The following CDH4 variants were observed in gnomAD, a reference collection of about 807,000 sequenced individuals.
The protein encoded by CDH4 is cadherin-4.
A neutral mutation model predicts 86.0 loss-of-function variants in CDH4; 33 were observed. The observed-to-expected ratio is 0.38, with a 90% CI of 0.29 to 0.51. The LOEUF (loss-of-function observed/expected upper bound fraction) is 0.51, where lower values mean the gene tolerates loss of function less well. Ranked by LOEUF, CDH4 falls within the 20% of genes least tolerant of loss-of-function variation. CDH4 has a pLI of 0.86. For synonymous variants in CDH4, 555 were observed against 549.4 expected (o/e 1.01, Z -0.14); for missense variants, 1,114 against 1,307.4 (o/e 0.85, Z 2.28).
At chr20:61,415,410 G>C (rs560571452) in intron 2 of CDH4, among the ~76,000 whole-genome samples, 1 of 152,300 alleles carries the variant, frequency 6.6e-6, no homozygotes, top group Non-Finnish European at 1.5e-5. Context: ...CATTTTTTAT[G>C]TGTACAGTCA....
chr20:61,693,488 A>G (rs1287982793), intron 2 of CDH4, among the ~76,000 whole-genome samples: 1 of 152,232 alleles, frequency 6.6e-6, no homozygotes, highest in Non-Finnish European at 1.5e-5. Context: ...TTGAGTCCCC[A>G]AGGCCGAAGG....
rs2087509319 is a variant in CDH4, at chr20:61,681,197, T to C, written c.170-62366T>C. 6.6e-6 allele frequency among the ~76,000 whole-genome samples: 1 copy of C among 152,212 alleles called. No homozygotes were observed. The highest frequency in any genetic ancestry group is 1.5e-5 in the Non-Finnish European group (1 of 68,036). On this transcript the variant is annotated intron_variant, in intron 2 of 15. Coordinates refer to ENST00000614565, the MANE Select transcript of CDH4 (RefSeq NM_001794.5). The surrounding 1 kb of genome is among the most constrained non-coding windows in gnomAD (Gnocchi z 4.5). ...CACGTCCTAATGGCTTTTTTTCTCT[T>C]TCAGCCACACACAGTCAAATTTGAG...
At chr20:61,712,809 T>C (rs2087907653) in intron 2 of CDH4, among the ~76,000 whole-genome samples, 1 of 152,148 alleles carries the variant, frequency 6.6e-6, no homozygotes, top group Admixed American at 6.5e-5. Context: ...GGTTCAGAGC[T>C]GGCCCCATGC....
Position 61,647,525 on chromosome 20 carries a change from T to TCTCTCTCTC in CDH4, c.170-96038_170-96037insCTCTCTCTC, listed in dbSNP as rs1444445171. 7.2e-5 allele frequency among the ~76,000 whole-genome samples: 5 copies of TCTCTCTCTC among 69,756 alleles called. 2 individuals are homozygous for TCTCTCTCTC. The highest frequency in any genetic ancestry group is 2.8e-4 in the Admixed American group (2 of 7,146). 45.8% of individuals were successfully genotyped at this position (69,756 alleles called of 152,430 possible). A position where few individuals can be genotyped will look rare whatever the true frequency, so the allele number is the denominator to read the frequency against. On this transcript the variant is annotated intron_variant, in intron 2 of 15. Transcript: ENST00000614565. ...AAACACATCAGTATGCACACACATA[T>TCTCTCTCTC]TCTCTCTCCCTCTCCCTCTCCCTCT...
chr20:61,567,002 C>T (rs1419744744), intron 2 of CDH4, among the ~76,000 whole-genome samples: 1 of 152,120 alleles, frequency 6.6e-6, no homozygotes, highest in Non-Finnish European at 1.5e-5. Flanking sequence ...GGAGGGGGAG[C>T]TTTGTGGACA....
At chr20:61,316,933 C>G (rs759463316) in intron 2 of CDH4, among the ~76,000 whole-genome samples, 1 of 151,928 alleles carries the variant, frequency 6.6e-6, no homozygotes, top group Non-Finnish European at 1.5e-5. Flanking sequence ...CGTGCAGCCT[C>G]TGTACCTGAA....
intron 3 of CDH4, among the ~76,000 whole-genome samples, chr20:61,757,716 C>G (rs1286581845): frequency 6.6e-6 from 1 of 152,202 alleles, no homozygotes; most frequent in Non-Finnish European, 1.5e-5. Flanking sequence ...GGTGAAGATT[C>G]TTGCTGCCAT....
intron 7 of CDH4, among the ~76,000 whole-genome samples, chr20:61,886,240 C>T (rs1984533447): frequency 6.6e-6 from 1 of 152,214 alleles, no homozygotes; most frequent in Non-Finnish European, 1.5e-5. Context: ...TGCCAGGGTG[C>T]CTCACTGGCT....
At chr20:61,308,555 T>C (rs1429959176) in intron 2 of CDH4, among the ~76,000 whole-genome samples, 1 of 152,230 alleles carries the variant, frequency 6.6e-6, no homozygotes, top group African/African-American at 2.4e-5. Flanking sequence ...TCTGCTGAAA[T>C]GGCTGCTGCT....
At chr20:61,746,736 G>T (rs762582652) in intron 3 of CDH4, among the ~76,000 whole-genome samples, 11 of 152,252 alleles carry the variant, frequency 7.2e-5, no homozygotes, top group Non-Finnish European at 1.0e-4. Flanking sequence ...GGTATTTCAT[G>T]AGGTTATGGA....
intron 2 of CDH4, among the ~76,000 whole-genome samples, chr20:61,726,665 C>T (rs1326777633): frequency 6.6e-6 from 1 of 150,958 alleles, no homozygotes; most frequent in Non-Finnish European, 1.5e-5. Flanking sequence ...ATGACCATCA[C>T]TGCCATCATC....
At chr20:61,444,297 CTTTGTGTATGTATTTTTGTGTA>C in intron 2 of CDH4, among the ~76,000 whole-genome samples, 1 of 338 alleles carries the variant, frequency 3.0e-3, no homozygotes, top group African/African-American at 9.1e-3. Flanking sequence ...GTGTGGGTTT[CTTTGTGTATGTATTTTTGTGTA>C]TCTGCACGTG....
chr20:61,665,224 T>C (rs2087309763), intron 2 of CDH4, among the ~76,000 whole-genome samples: 1 of 152,206 alleles, frequency 6.6e-6, no homozygotes. Context: ...GCGAGCACCA[T>C]GCTGGTGGGC....
In CDH4 at chr20:61,676,090, G is replaced by A. The variant is rs1056648717; in HGVS notation, c.170-67473G>A. Reference sequence around the variant, plus strand: ...GGCAGTCGGTGGGGGGAGCCTCAGCGAGGACCGAGTGTGGGGTCCAAGGTC... The same window carrying A: ...GGCAGTCGGTGGGGGGAGCCTCAGCAAGGACCGAGTGTGGGGTCCAAGGTC... On this transcript the variant is annotated intron_variant, in intron 2 of 15. Transcript: ENST00000614565. The surrounding 1 kb of genome is among the most constrained non-coding windows in gnomAD (Gnocchi z 4.5). 2.6e-5 allele frequency among the ~76,000 whole-genome samples: 4 copies of A among 152,196 alleles called. No individual in the cohort carries two copies. The highest frequency in any genetic ancestry group is 6.5e-5 in the Admixed American group (1 of 15,290).
At chr20:61,362,975 G>T (rs2084792583) in intron 2 of CDH4, among the ~76,000 whole-genome samples, 1 of 152,166 alleles carries the variant, frequency 6.6e-6, no homozygotes, top group Non-Finnish European at 1.5e-5. Flanking sequence ...CTTGTGCCGT[G>T]TCACATGTGA....
intron 2 of CDH4, among the ~76,000 whole-genome samples, chr20:61,494,790 A>G (rs570612276): frequency 6.6e-6 from 1 of 152,362 alleles, no homozygotes; most frequent in South Asian, 2.1e-4. Flanking sequence ...TGAATTCTTT[A>G]TCTGTTTCTC....
chr20:61,365,458 G>A (rs1458805796), intron 2 of CDH4, among the ~76,000 whole-genome samples: 1 of 152,050 alleles, frequency 6.6e-6, no homozygotes, highest in Non-Finnish European at 1.5e-5. Flanking sequence ...ATGAGTGCTG[G>A]GGTATGAGGA....
chr20:61,693,884 CTTTTTTTTTTTTTT>C (rs11479778), intron 2 of CDH4, among the ~76,000 whole-genome samples: 1 of 82,700 alleles, frequency 1.2e-5, no homozygotes, highest in Non-Finnish European at 2.2e-5. Flanking sequence ...CTCTTTCTTT[CTTTTTTTTTTTTTT>C]TTTTTTTTTT....
At position 61,494,945 on chromosome 20, in the gene CDH4, G is replaced by A. The variant is rs541388298; in HGVS notation, c.169+240008G>A. 6.0e-4 allele frequency among the ~76,000 whole-genome samples: 91 copies of A among 152,340 alleles called. 1 individual carries two copies. In the South Asian group the frequency reaches 7.0e-3, roughly 12 times the overall value. ...CTGCACTCTTTGGCGTGGGCCCTCC[G>A]CCAGATGCCATGCCCTGCACTGGGG... On this transcript the variant is annotated intron_variant, in intron 2 of 15. Coordinates refer to ENST00000614565, the MANE Select transcript of CDH4 (RefSeq NM_001794.5).
Sources: allele counts gnomAD v4.1 joint callset (sites outside exome capture counted in the v4.1 genomes callset), GRCh38; gene constraint gnomAD v4.1.1; non-coding constraint Gnocchi (gnomAD v3.1); transcripts MANE v1.5; gene names NCBI Gene and HGNC (gene_info 2026-07-23, HGNC 2026-07-21).